MRPS28: variants seen among roughly 807,000 people sequenced by gnomAD.
The protein encoded by MRPS28 is mitochondrial ribosomal protein S28, also known as small ribosomal subunit protein bS1m.
A neutral mutation model predicts 10.8 loss-of-function variants in MRPS28; 7 were observed. That is an observed-to-expected ratio of 0.65 (90% CI 0.37 to 1.22). The LOEUF (loss-of-function observed/expected upper bound fraction) is 1.22. Ranked by LOEUF, MRPS28 falls within the 50% of genes most tolerant of loss-of-function variation. MRPS28 has a pLI of 0.02. For synonymous variants in MRPS28, 121 were observed against 93.3 expected, an observed-to-expected ratio of 1.30 and a Z score of -1.71; for missense variants, 265 against 232.9, an observed-to-expected ratio of 1.14 and a Z score of -0.90.
chr8:79,986,515 T>A (rs1166669251), intron 2 of MRPS28, among the ~76,000 whole-genome samples: 1 of 152,156 alleles, frequency 6.6e-6, no homozygotes, highest in Non-Finnish European at 1.5e-5. Context: ...TGATTGTATA[T>A]CTAGAAAACC....
At chr8:79,968,126 C>T (rs1443356246) in intron 2 of MRPS28, among the ~76,000 whole-genome samples, 1 of 151,976 alleles carries the variant, frequency 6.6e-6, no homozygotes, top group Non-Finnish European at 1.5e-5. Flanking sequence ...TCAACAATAC[C>T]ACGGTCTTAA....
intron 2 of MRPS28, among the ~76,000 whole-genome samples, chr8:79,926,904 G>A (rs772209122): frequency 2.0e-4 from 31 of 152,158 alleles, no homozygotes; most frequent in Admixed American, 1.4e-3. Flanking sequence ...AGAGATTCAC[G>A]CACATTTGGG....
intron 2 of MRPS28, among the ~76,000 whole-genome samples, chr8:79,976,234 C>A (rs960861191): frequency 6.6e-6 from 1 of 152,072 alleles, no homozygotes; most frequent in Non-Finnish European, 1.5e-5. Context: ...CAGGCATGTG[C>A]CACCAAGCCC....
intron 2 of MRPS28, among the ~76,000 whole-genome samples, chr8:79,943,612 T>C (rs1484625241): frequency 6.6e-6 from 1 of 152,220 alleles, no homozygotes; most frequent in African/African-American, 2.4e-5. Flanking sequence ...GTGTTTTTAC[T>C]TCAGAATAAT....
chr8:79,995,873 G>A (rs1808489574), intron 2 of MRPS28, among the ~76,000 whole-genome samples: 1 of 152,144 alleles, frequency 6.6e-6, no homozygotes. Context: ...AGGCATACTG[G>A]AAGAGGAAAA....
chr8:80,003,619 C>G (rs1330287805), intron 1 of MRPS28, among the ~76,000 whole-genome samples: 1 of 152,232 alleles, frequency 6.6e-6, no homozygotes, highest in Admixed American at 6.5e-5. Context: ...GTACCGGGTT[C>G]ATTTCACTGG....
intron 2 of MRPS28, among the ~76,000 whole-genome samples, chr8:79,980,921 TTAA>T (rs1489841989): frequency 6.6e-6 from 1 of 152,212 alleles, no homozygotes; most frequent in African/African-American, 2.4e-5. Context: ...ACCATTACTA[TTAA>T]TAATAGAATT....
At chr8:80,011,071 T>A (rs1809028638) in intron 1 of MRPS28, among the ~76,000 whole-genome samples, 1 of 152,206 alleles carries the variant, frequency 6.6e-6, no homozygotes. Flanking sequence ...ACAGCTGACT[T>A]GCCCTTTAGA....
intron 1 of MRPS28, among the ~76,000 whole-genome samples, chr8:80,028,956 C>CA (rs1809571583): frequency 6.6e-6 from 1 of 151,532 alleles, no homozygotes; most frequent in South Asian, 2.1e-4. Flanking sequence ...GACCCTGTCT[C>CA]AAAAAACAAC....
chr8:80,007,141 C>T (rs1456840803), intron 1 of MRPS28, among the ~76,000 whole-genome samples: 4 of 152,104 alleles, frequency 2.6e-5, no homozygotes, highest in Non-Finnish European at 2.9e-5. Flanking sequence ...AAATGTAATC[C>T]AGCACATAAA....
intron 2 of MRPS28, among the ~76,000 whole-genome samples, chr8:79,927,834 T>C (rs138989738): frequency 4.7e-4 from 72 of 152,300 alleles, no homozygotes; most frequent in African/African-American, 1.2e-3. Flanking sequence ...AGTATGTAGG[T>C]TGGCAATGGT....
At chr8:79,987,006 C>G (rs535283276) in intron 2 of MRPS28, among the ~76,000 whole-genome samples, 1 of 152,046 alleles carries the variant, frequency 6.6e-6, no homozygotes, top group Non-Finnish European at 1.5e-5. Flanking sequence ...GGAGGCATCA[C>G]GCTACCTGAC....
intron 2 of MRPS28, among the ~76,000 whole-genome samples, chr8:79,990,045 C>T (rs923532442): frequency 3.3e-5 from 5 of 152,104 alleles, no homozygotes; most frequent in African/African-American, 9.7e-5. Flanking sequence ...CCTGTAGTCC[C>T]GGCTACTCAG....
intron 2 of MRPS28, among the ~76,000 whole-genome samples, chr8:79,921,954 C>T (rs1173075989): frequency 6.6e-6 from 1 of 152,120 alleles, no homozygotes; most frequent in African/African-American, 2.4e-5. Flanking sequence ...TGAGATACGT[C>T]CCATCAATAC....
intron 1 of MRPS28, among the ~76,000 whole-genome samples, chr8:80,023,327 A>G (rs2130247219): frequency 6.6e-6 from 1 of 152,342 alleles, no homozygotes; most frequent in South Asian, 2.1e-4. Flanking sequence ...GTAAAACTAT[A>G]TAATTTTACT....
intron 2 of MRPS28, among the ~76,000 whole-genome samples, chr8:79,955,482 T>C (rs1303911149): frequency 6.6e-6 from 1 of 152,176 alleles, no homozygotes; most frequent in Non-Finnish European, 1.5e-5. Flanking sequence ...TCTTCCACTA[T>C]ATAACAAGCA....
At chr8:79,980,516 T>C (rs1426702194) in intron 2 of MRPS28, among the ~76,000 whole-genome samples, 1 of 152,234 alleles carries the variant, frequency 6.6e-6, no homozygotes, top group African/African-American at 2.4e-5. Flanking sequence ...TTGTTTGACA[T>C]TGATTTTATT....
chr8:79,936,173 TA>T (rs996577947), intron 2 of MRPS28, among the ~76,000 whole-genome samples: 5 of 151,300 alleles, frequency 3.3e-5, no homozygotes, highest in Non-Finnish European at 7.4e-5. Flanking sequence ...ACAAAAAATT[TA>T]AAAATTAGCC....
At chr8:79,994,674 AC>A (rs1157104680) in intron 2 of MRPS28, among the ~76,000 whole-genome samples, 2 of 152,058 alleles carry the variant, frequency 1.3e-5, no homozygotes, top group African/African-American at 4.8e-5. Flanking sequence ...AATATGCTCC[AC>A]ACCTCTGCCA....
Sources: gnomAD v4.1 joint callset for allele counts (sites outside exome capture counted in the v4.1 genomes callset) on GRCh38, gnomAD v4.1.1 for gene constraint, MANE v1.5 for transcripts, NCBI Gene and HGNC (gene_info 2026-07-23, HGNC 2026-07-21) for gene names.